RPRD2: variants seen among roughly 807,000 people sequenced by gnomAD.
RPRD2 encodes regulation of nuclear pre-mRNA domain-containing protein 2.
RPRD2 carries 12 observed loss-of-function variants against 104.4 expected under a neutral mutation model. The ratio of observed to expected loss-of-function variants is 0.11; its 90% CI spans 0.07 to 0.19. The LOEUF is 0.19. Among genes scored for constraint, RPRD2 ranks in the 10% least tolerant of loss-of-function variants. The pLI is 1.00. For synonymous variants in RPRD2, 714 were observed against 684.9 expected, an observed-to-expected ratio of 1.04 and a Z score of -0.66; for missense variants, 1,543 against 1,790.1, an observed-to-expected ratio of 0.86 and a Z score of 2.49.
Position 150,473,194 on chromosome 1 carries a change from A to AGTCCCCGGCCAGACTTTCGGC in RPRD2, c.4247_4267dup (p.Arg1422_Pro1423insArgProArgProAspPheArg). On this transcript the variant is annotated inframe_insertion, in exon 11 of 11. Transcript: ENST00000369068. ...CAGCCGGAGTGGTATAATCTTACGG[A>AGTCCCCGGCCAGACTTTCGGC]GTCCCCGGCCAGACTTTCGGCCTAG... 3 of 1,613,998 alleles carry AGTCCCCGGCCAGACTTTCGGC rather than the reference A, an allele frequency of 1.9e-6. No individual in the cohort carries two copies. Among genetic ancestry groups the AGTCCCCGGCCAGACTTTCGGC allele is most frequent in the Non-Finnish European group, 2.5e-6 (3 of 1,179,878 alleles).
intron 2 of RPRD2, among the ~76,000 whole-genome samples, chr1:150,435,725 TGAAGCAGCAAGTGCTGATGTA>T (rs1665945351): frequency 6.6e-6 from 1 of 152,226 alleles, no homozygotes; most frequent in African/African-American, 2.4e-5. Context: ...AAGTGTAAGA[TGAAGCAGCAAGTGCTGATGTA>T]GAAGCAGCAG....
intron 7 of RPRD2, among the ~76,000 whole-genome samples, chr1:150,455,997 T>A (rs782448656): frequency 1.6e-4 from 24 of 152,114 alleles, no homozygotes; most frequent in Middle Eastern, 3.4e-3. Flanking sequence ...CAGCTAATTT[T>A]TTTTTATTTT....
chr1:150,408,067 C>T lies in RPRD2; in HGVS notation c.206-9529C>T, dbSNP rs141219842. Among the ~76,000 whole-genome samples the T allele has an allele frequency of 4.6e-5, 7 of 150,704 alleles. No individual in the cohort carries two copies. In the East Asian group the frequency reaches 1.4e-3, roughly 29 times the overall value. On this transcript the variant is annotated intron_variant, in intron 1 of 10. Transcript: ENST00000369068. Reference sequence around the variant, plus strand: ...GGGATTATGGGTGTGAGCCACCACACCTGGCCTATGCTTTTATTTTTTATA... The same window carrying T: ...GGGATTATGGGTGTGAGCCACCACATCTGGCCTATGCTTTTATTTTTTATA...
At chr1:150,431,567 G>A (rs182919484) in intron 2 of RPRD2, among the ~76,000 whole-genome samples, 5 of 138,868 alleles carry the variant, frequency 3.6e-5, no homozygotes, top group Admixed American at 3.3e-4. Flanking sequence ...TGCAACTTCC[G>A]CTTCCCGGGT....
chr1:150,449,928 T>A (rs1204161830), intron 7 of RPRD2, among the ~76,000 whole-genome samples: 1 of 152,182 alleles, frequency 6.6e-6, no homozygotes, highest in Non-Finnish European at 1.5e-5. Context: ...AAATGCCTTT[T>A]TTTATAGTCC....
At chr1:150,408,480 A>G (rs1663662220) in intron 1 of RPRD2, among the ~76,000 whole-genome samples, 1 of 152,202 alleles carries the variant, frequency 6.6e-6, no homozygotes. Flanking sequence ...TAGTGTATTT[A>G]CATAATTTAC....
rs1553895448 is a variant in RPRD2, at chr1:150,446,212, C to T, written c.695-14C>T. Reference sequence around the variant, plus strand: ...TATTTTATCCTGAAATGAATATTTCCCATGTCATTTTAGATAAAACAGGTG... The same window carrying T: ...TATTTTATCCTGAAATGAATATTTCTCATGTCATTTTAGATAAAACAGGTG... On this transcript the variant is annotated splice_polypyrimidine_tract_variant and intron_variant, in intron 6 of 10. Coordinates refer to ENST00000369068, the MANE Select transcript of RPRD2 (RefSeq NM_015203.5). The T allele has an allele frequency of 4.6e-6, 7 of 1,508,152 alleles. No individual in the cohort carries two copies. Among genetic ancestry groups the T allele is most frequent in the East Asian group, 4.7e-5 (2 of 42,700 alleles). 93.4% of individuals were successfully genotyped at this position (1,508,152 alleles called of 1,614,324 possible).
At chr1:150,379,757 C>T (rs1203734303) in intron 1 of RPRD2, among the ~76,000 whole-genome samples, 3 of 151,912 alleles carry the variant, frequency 2.0e-5, no homozygotes, top group South Asian at 2.1e-4. Flanking sequence ...AGGATGGCCT[C>T]GATCTCTTGA....
intron 2 of RPRD2, among the ~76,000 whole-genome samples, chr1:150,439,128 C>T (rs927553926): frequency 6.4e-4 from 97 of 152,216 alleles, no homozygotes; most frequent in African/African-American, 2.2e-3. Context: ...CCACCACACC[C>T]GGCCGTATCT....
intron 1 of RPRD2, among the ~76,000 whole-genome samples, chr1:150,369,811 C>T (rs1157055730): frequency 3.7e-5 from 5 of 133,938 alleles, no homozygotes; most frequent in Non-Finnish European, 6.4e-5. Context: ...TGCAGAGTCT[C>T]ACTCTGTCGC....
At chr1:150,460,563 C>T (rs895840415) in intron 9 of RPRD2, among the ~76,000 whole-genome samples, 8 of 151,836 alleles carry the variant, frequency 5.3e-5, no homozygotes, top group African/African-American at 1.2e-4. Context: ...CTACCACGCC[C>T]GGCTAATTTT....
At position 150,472,696 on chromosome 1, in the gene RPRD2, C is replaced by T. The variant is rs1294803232; in HGVS notation, c.3748C>T (p.Leu1250=). 12 of 1,613,670 alleles carry T rather than the reference C, an allele frequency of 7.4e-6. No individual in the cohort carries two copies. The Middle Eastern group carries it at 6.6e-4, about 89-fold the overall frequency. The change falls in exon 11 of 11, where the codon CTG becomes TTG. Residue 1250 remains leucine (L), a synonymous_variant. Transcript: ENST00000369068. Reference sequence around the variant, plus strand: ...GAACCCCTTCACAAAGGAGGCAGCCCTGGCCCATGCTGCCCCACCCCCTCC... The same window carrying T: ...GAACCCCTTCACAAAGGAGGCAGCCTTGGCCCATGCTGCCCCACCCCCTCC... ...LSNPFTKEAA[L]AHAAPPPPPG...
At chr1:150,405,115 T>C (rs1553886230) in intron 1 of RPRD2, among the ~76,000 whole-genome samples, 1 of 152,192 alleles carries the variant, frequency 6.6e-6, no homozygotes, top group Non-Finnish European at 1.5e-5. Flanking sequence ...TGGTATGGTT[T>C]GTTACAGATT....
chr1:150,378,788 G>A (rs587758827), intron 1 of RPRD2, among the ~76,000 whole-genome samples: 1 of 151,944 alleles, frequency 6.6e-6, no homozygotes, highest in East Asian at 1.9e-4. Context: ...TTCGAGACCA[G>A]CCTGGCCAAA....
At chr1:150,371,801 T>C (rs1041704409) in intron 1 of RPRD2, among the ~76,000 whole-genome samples, 1 of 152,226 alleles carries the variant, frequency 6.6e-6, no homozygotes, top group Non-Finnish European at 1.5e-5. Context: ...GCCTTTCTTA[T>C]TCATAAAATA....
rs1016172089 is a variant in RPRD2 at position 150,470,480 on chromosome 1, G to A, written c.1613-81G>A. On this transcript the variant is annotated intron_variant, in intron 10 of 10. Transcript: ENST00000369068. Reference sequence around the variant, plus strand: ...ATCTGGTTCCCACCAAAATGAATGAGAGTATCTGATTAGCCTACATTGTTT... The same window carrying A: ...ATCTGGTTCCCACCAAAATGAATGAAAGTATCTGATTAGCCTACATTGTTT... The A allele has an allele frequency of 4.3e-6, 6 of 1,391,178 alleles. No homozygotes were observed. The African/African-American group carries it at 5.8e-5, about 13-fold the overall frequency. The allele number at this position is 1,391,178 out of a possible 1,614,324, so 86.2% of individuals were successfully genotyped here.
chr1:150,386,351 G>A (rs1464624928), intron 1 of RPRD2, among the ~76,000 whole-genome samples: 2 of 152,118 alleles, frequency 1.3e-5, no homozygotes, highest in African/African-American at 4.8e-5. Flanking sequence ...TTGGGAGGCC[G>A]AGGCAGGTGG....
intron 2 of RPRD2, among the ~76,000 whole-genome samples, chr1:150,439,627 C>CTTTTT (rs66814229): frequency 7.0e-6 from 1 of 142,290 alleles, no homozygotes; most frequent in Non-Finnish European, 1.5e-5. Flanking sequence ...TTTGACATAG[C>CTTTTT]TTTTTTTTTT....
chr1:150,426,861 G>C (rs1665164114), intron 2 of RPRD2, among the ~76,000 whole-genome samples: 1 of 152,152 alleles, frequency 6.6e-6, no homozygotes, highest in African/African-American at 2.4e-5. Context: ...AAATGGTTAA[G>C]ATAGGCCGGG....
Sources: gnomAD v4.1 joint callset for allele counts (sites outside exome capture counted in the v4.1 genomes callset) on GRCh38, gnomAD v4.1.1 for gene constraint, MANE v1.5 for transcripts, NCBI Gene and HGNC (gene_info 2026-07-23, HGNC 2026-07-21) for gene names.